The following STMN1 variants were observed in gnomAD, a reference collection of about 807,000 sequenced individuals.
STMN1 encodes stathmin.
A neutral mutation model predicts 19.7 loss-of-function variants in STMN1; 3 were observed. That is an observed-to-expected ratio of 0.15 (90% CI 0.07 to 0.39). STMN1 has a LOEUF of 0.39. STMN1 is among the 10% of genes least tolerant of loss of function. The pLI, the probability that STMN1 is intolerant of heterozygous loss-of-function variation, is 1.00. For missense variants in STMN1, 99 were observed against 176.0 expected (o/e 0.56, Z 2.48); for synonymous variants, 59 against 58.9 (o/e 1.00, Z -0.01).
At chr1:25,896,597 G>A (rs189763897), downstream of STMN1, among the ~76,000 whole-genome samples, 1 of 152,334 alleles carries the variant, frequency 6.6e-6, no homozygotes, top group Admixed American at 6.5e-5. Flanking sequence ...TCTTGGCCAC[G>A]ATGGAAGCAG....
At chr1:25,896,917 G>A (rs1407833985), downstream of STMN1, among the ~76,000 whole-genome samples, 1 of 152,192 alleles carries the variant, frequency 6.6e-6, no homozygotes, top group African/African-American at 2.4e-5. Context: ...CTGATCTCAG[G>A]TGGTCTGCAA....
At chr1:25,901,116 T>TAA in intron 4 of STMN1, 29 bp from the exon 5 acceptor site, 3 of 968,942 alleles carry the variant, frequency 3.1e-6, no homozygotes, top group Non-Finnish European at 2.6e-6. Flanking sequence ...GTGTCATCAG[T>TAA]CAAAAAAAAA....
intron 4 of STMN1, chr1:25,887,329 C>A: frequency 4.7e-6 from 1 of 211,008 alleles, no homozygotes; most frequent in South Asian, 8.4e-5. Context: ...AGAGGTTGTC[C>A]AGGAGCCTGC....
intron 4 of STMN1, chr1:25,889,073 A>G: frequency 2.0e-6 from 1 of 493,200 alleles, no homozygotes; most frequent in South Asian, 1.6e-5. Context: ...ACAACTCCAA[A>G]AGGAGACATC....
intron 4 of STMN1, among the ~76,000 whole-genome samples, chr1:25,894,856 A>G (rs2048805149): frequency 6.6e-6 from 1 of 151,966 alleles, no homozygotes; most frequent in Non-Finnish European, 1.5e-5. Flanking sequence ...ACAGGTGTGT[A>G]CCACCACACC....
At chr1:25,903,864 A>AG (rs751811081) in intron 2 of STMN1, 51 bp from the exon 3 acceptor site, 1 of 1,537,874 alleles carries the variant, frequency 6.5e-7, no homozygotes, top group Non-Finnish European at 8.7e-7. Context: ...TCCTGTTCTA[A>AG]TAAACTGTAC....
chr1:25,885,209 G>A (rs990151529), downstream of STMN1: 2 of 153,758 alleles, frequency 1.3e-5, no homozygotes, highest in Non-Finnish European at 2.9e-5. Flanking sequence ...GGCTTCCCAG[G>A]AAAACTCCCA....
In STMN1 at chr1:25,889,817, G is replaced by A. The variant is rs530791543; in HGVS notation, c.379-3948C>T. ...ACAGCTGGACCCTGAGCACCTCCTT[G>A]TATGGGGTCCCCTTGCCCACCTCAT... On this transcript the variant is annotated intron_variant, in intron 4 of 4. Coordinates refer to the STMN1 transcript ENST00000426559. Among the ~76,000 whole-genome samples the A allele has an allele frequency of 1.4e-3, 209 of 152,288 alleles. 1 individual carries two copies. Among genetic ancestry groups the A allele is most frequent in the African/African-American group, 4.7e-3 (197 of 41,560 alleles).
chr1:25,897,836 T>C (rs1368936739), downstream of STMN1, among the ~76,000 whole-genome samples: 1 of 152,194 alleles, frequency 6.6e-6, no homozygotes, highest in African/African-American at 2.4e-5. Flanking sequence ...GCCTGGACGT[T>C]AAGTGCTCAG....
chr1:25,890,660 C>T (rs544474366), intron 4 of STMN1, among the ~76,000 whole-genome samples: 4 of 152,206 alleles, frequency 2.6e-5, no homozygotes, highest in African/African-American at 7.2e-5. Context: ...GCCACTAGAG[C>T]CAGGTAGTCA....
chr1:25,906,072 A>C lies in STMN1; in HGVS notation c.-63+317T>G. On this transcript the variant is annotated intron_variant, in intron 1 of 4. Coordinates refer to ENST00000455785, the MANE Select transcript of STMN1 (RefSeq NM_005563.4). This position sits in a 1 kb window ranked among gnomAD's most constrained non-coding sequence, Gnocchi z 4.5. ...GGGAACCCGGCGGGGCCCGCAGGGA[A>C]GGGAGGGAGGGAGGGAGGTAAACGA... 1 of 137,432 alleles carries C rather than the reference A, an allele frequency of 7.3e-6. No homozygotes were observed. Among genetic ancestry groups the C allele is most frequent in the Non-Finnish European group, 1.6e-5 (1 of 63,420 alleles). The allele number at this position is 137,432 out of a possible 1,614,324, so 8.5% of individuals were successfully genotyped here.
chr1:25,895,204 A>G (rs1453911701), downstream of STMN1, among the ~76,000 whole-genome samples: 1 of 146,502 alleles, frequency 6.8e-6, no homozygotes, highest in African/African-American at 2.5e-5. Flanking sequence ...CCGGGTTCAT[A>G]CCATTCTCCT....
At chr1:25,896,953 G>C (rs1452444417), downstream of STMN1, among the ~76,000 whole-genome samples, 2 of 152,170 alleles carry the variant, frequency 1.3e-5, no homozygotes, top group African/African-American at 2.4e-5. Context: ...AATCAGTCTT[G>C]GATTTGGAAG....
downstream of STMN1, among the ~76,000 whole-genome samples, chr1:25,898,001 C>T (rs1007541681): frequency 1.3e-5 from 2 of 152,154 alleles, no homozygotes; most frequent in African/African-American, 2.4e-5. Context: ...CTGTGCTGCC[C>T]CAACAGCCAC....
Position 25,900,996 on chromosome 1 carries a change from AAGTC to A in STMN1, c.*16_*19del, listed in dbSNP as rs899824307. 8 of 1,613,360 alleles carry A rather than the reference AAGTC, an allele frequency of 5.0e-6. No homozygotes were observed. The highest frequency in any genetic ancestry group is 1.3e-5 in the African/African-American group (1 of 74,840). On this transcript the variant is annotated 3_prime_UTR_variant, in exon 5 of 5. Coordinates refer to ENST00000455785, the MANE Select transcript of STMN1 (RefSeq NM_005563.4). ...GATATTTAGGAAGGGGATGGGGAGA[AAGTC>A]AGTTCTCAGAACAAATTAGTCAGCT...
At chr1:25,894,284 A>G (rs1425922833) in intron 4 of STMN1, among the ~76,000 whole-genome samples, 1 of 152,106 alleles carries the variant, frequency 6.6e-6, no homozygotes, top group Admixed American at 6.5e-5. Flanking sequence ...CTGCAGGCCC[A>G]TCTCCACCAG....
At chr1:25,894,611 T>C (rs527411091) in intron 4 of STMN1, among the ~76,000 whole-genome samples, 1 of 152,198 alleles carries the variant, frequency 6.6e-6, no homozygotes, top group East Asian at 1.9e-4. Flanking sequence ...GCCAAGGATG[T>C]TGAGGCTGCA....
downstream of STMN1, among the ~76,000 whole-genome samples, chr1:25,895,932 G>A (rs115760190): frequency 0.011 from 1,750 of 152,280 alleles, 8 homozygotes; most frequent in Non-Finnish European, 0.018. Flanking sequence ...AGTGCCCTGA[G>A]GTAGACCGTG....
intron 4 of STMN1, chr1:25,889,226 C>A (rs967438487): frequency 6.8e-5 from 19 of 278,126 alleles, no homozygotes; most frequent in African/African-American, 3.9e-4. Context: ...ATTGGGAATA[C>A]ATTTTTCCTC....
Sources: allele counts gnomAD v4.1 joint callset (sites outside exome capture counted in the v4.1 genomes callset), GRCh38; gene constraint gnomAD v4.1.1; non-coding constraint Gnocchi (gnomAD v3.1); transcripts MANE v1.5; gene names NCBI Gene and HGNC (gene_info 2026-07-23, HGNC 2026-07-21).